Variants in NUDT6 observed in about 807,000 individuals in gnomAD.
NUDT6 encodes nudix hydrolase 6.
In NUDT6, 24 loss-of-function variants were observed where a neutral mutation model predicts 36.8. The observed-to-expected ratio is 0.65, with a 90% CI of 0.47 to 0.92. The LOEUF is 0.92. Ranked by LOEUF, NUDT6 falls within the 40% of genes least tolerant of loss-of-function variation. The probability of loss-of-function intolerance (pLI) is 0.00; values close to 1 mark genes in which losing one functional copy is unlikely to be tolerated. For missense variants in NUDT6, 388 were observed against 392.8 expected, an observed-to-expected ratio of 0.99 and a Z score of 0.10; for synonymous variants, 163 against 157.0, an observed-to-expected ratio of 1.04 and a Z score of -0.29.
intron 3 of NUDT6, among the ~76,000 whole-genome samples, chr4:122,899,755 A>G (rs1243728177): frequency 6.6e-6 from 1 of 152,126 alleles, no homozygotes; most frequent in East Asian, 1.9e-4. Context: ...CTTGGAGTTC[A>G]AGGCTGCAGT....
chr4:122,922,391 G>C lies in NUDT6; in HGVS notation c.182C>G (p.Ala61Gly), dbSNP rs1728070256. The C allele has an allele frequency of 2.5e-6, 4 of 1,608,716 alleles. No homozygotes were observed. The highest frequency in any genetic ancestry group is 3.3e-5 in the Admixed American group (2 of 59,916). ...DRFGGISVRL[A>G]RLDALDRLDA... is the part of the protein sequence containing the mutation. ...CAGGCGGTCCAGCGCATCGAGCCGCGCCAGGCGCACCGAGATGCCCCCGAA... is the reference window on the plus strand; with the variant it reads ...CAGGCGGTCCAGCGCATCGAGCCGCCCCAGGCGCACCGAGATGCCCCCGAA... Residue 61 changes from alanine (A) to glycine (G), a missense_variant, in exon 1 of 5, where the codon GCG (alanine) becomes GGG (glycine). By Grantham distance (60) the Ala-to-Gly change is moderately conservative (BLOSUM62 0). Coordinates refer to ENST00000304430, the MANE Select transcript of NUDT6 (RefSeq NM_007083.5).
At chr4:122,897,575 T>TA (rs1386556735) in intron 4 of NUDT6, 49 bp downstream of exon 4, 1 of 1,284,354 alleles carries the variant, frequency 7.8e-7, no homozygotes, top group African/African-American at 1.5e-5. Context: ...GTAAACACAT[T>TA]AATTTCCTCA....
At chr4:122,894,586 C>T in intron 4 of NUDT6, 1 of 151,430 alleles carries the variant, frequency 6.6e-6, no homozygotes, top group South Asian at 2.1e-4. Context: ...GACTTTGTCT[C>T]AAAAAAAGAG....
chr4:122,915,479 A>AC (rs1444430159), intron 2 of NUDT6, among the ~76,000 whole-genome samples: 38 of 80,654 alleles, frequency 4.7e-4, no homozygotes, highest in East Asian at 1.6e-3. Context: ...CAAAAAAAAA[A>AC]AAAAAAAAAA....
Position 122,922,565 on chromosome 4 carries a change from T to G in NUDT6, c.8A>C (p.Gln3Pro), listed in dbSNP as rs759741944. The change falls in exon 1 of 5, where the codon CAG (glutamine) becomes CCG (proline). Residue 3 changes from glutamine (Q) to proline (P), a missense_variant. Physicochemically the swap from Gln to Pro is moderately conservative, Grantham distance 76. Transcript: ENST00000304430. ...GCGCCAGCGGCCCCAGCTCAGTGGC[T>G]GCCGCATCTCCACGCCGCTTAATTC... Reference protein sequence around the residue: MRQPLSWGRWRAM... With the variant: MRPPLSWGRWRAM... 3 of 1,594,324 alleles carry G rather than the reference T, an allele frequency of 1.9e-6. No individual in the cohort carries two copies. The highest frequency in any genetic ancestry group is 1.7e-5 in the Admixed American group (1 of 59,280).
At chr4:122,897,890 C>T in intron 3 of NUDT6, 1 of 547,596 alleles carries the variant, frequency 1.8e-6, no homozygotes, top group Non-Finnish European at 3.3e-6. Context: ...CCCACCTTTT[C>T]TCTTCAGGAA....
At chr4:122,903,577 C>T (rs879625555) in intron 3 of NUDT6, among the ~76,000 whole-genome samples, 4 of 152,124 alleles carry the variant, frequency 2.6e-5, no homozygotes, top group Admixed American at 6.5e-5. Flanking sequence ...CTCTCAGCTC[C>T]GAATCTGCCC....
intron 3 of NUDT6, among the ~76,000 whole-genome samples, chr4:122,906,008 G>A (rs1042977509): frequency 1.3e-5 from 2 of 152,298 alleles, no homozygotes; most frequent in African/African-American, 4.8e-5. Flanking sequence ...TGCTTCTACT[G>A]GCTCAGAGGG....
chr4:122,922,237 C>G (rs911502956), intron 1 of NUDT6, 98 bp downstream of exon 1: 4 of 1,023,020 alleles, frequency 3.9e-6, no homozygotes, highest in Non-Finnish European at 4.2e-6. Flanking sequence ...CCTCTGGGCT[C>G]GACAGTGGTG....
At chr4:122,909,369 A>AAGT (rs961451966) in intron 3 of NUDT6, among the ~76,000 whole-genome samples, 9 of 152,336 alleles carry the variant, frequency 5.9e-5, no homozygotes, top group Non-Finnish European at 1.0e-4. Context: ...AGATAATAAT[A>AAGT]AGTATGATTA....
In NUDT6 at chr4:122,909,032, T is replaced by C. The variant is rs184660032; in HGVS notation, c.498+3536A>G. The stretch of plus-strand genomic sequence containing the variant: ...TTGAGAAGAACTGATAATTACTCTA[T>C]ATCTCCTTAAATTAATCATCTCCCC... On this transcript the variant is annotated intron_variant, in intron 3 of 4. Transcript: ENST00000304430. 7.5e-4 allele frequency among the ~76,000 whole-genome samples: 114 copies of C among 152,068 alleles called. 1 individual carries two copies. Among genetic ancestry groups the C allele is most frequent in the Admixed American group, 7.3e-3 (112 of 15,276 alleles).
intron 2 of NUDT6, among the ~76,000 whole-genome samples, chr4:122,912,861 C>G (rs1727758026): frequency 6.6e-6 from 1 of 152,174 alleles, no homozygotes; most frequent in Non-Finnish European, 1.5e-5. Context: ...CAAGTTTAAA[C>G]ATGAAATTCA....
rs562874009 is a variant in NUDT6, at chr4:122,909,055, C to A, written c.498+3513G>T. 2.7e-5 allele frequency among the ~76,000 whole-genome samples: 4 copies of A among 149,670 alleles called. No homozygotes were observed. The South Asian group carries it at 9.0e-4, about 34-fold the overall frequency. On this transcript the variant is annotated intron_variant, in intron 3 of 4. Coordinates refer to ENST00000304430, the MANE Select transcript of NUDT6 (RefSeq NM_007083.5). The stretch of plus-strand genomic sequence containing the variant: ...TATATCTCCTTAAATTAATCATCTC[C>A]CCGCCATCCCAGCTTTTTTTTTTTT...
At chr4:122,900,048 A>ACCCC (rs1242715908) in intron 3 of NUDT6, among the ~76,000 whole-genome samples, 7 of 77,214 alleles carry the variant, frequency 9.1e-5, no homozygotes, top group Admixed American at 2.7e-4. Context: ...ATGGTCATGC[A>ACCCC]CCCCCGCCAC....
chr4:122,921,619 C>CAAAAAAAA (rs758469782), intron 1 of NUDT6: 1 of 48,010 alleles, frequency 2.1e-5, no homozygotes, highest in African/African-American at 5.0e-5. Context: ...AAAAAAAAAA[C>CAAAAAAAA]AAACTGTACA....
Position 122,917,697 on chromosome 4 carries a change from T to G in NUDT6, c.246A>C (p.Val82=). The change falls in exon 2 of 5, where the codon GTA becomes GTC. Residue 82 remains valine (V), a synonymous_variant. Coordinates refer to ENST00000304430, the MANE Select transcript of NUDT6 (RefSeq NM_007083.5). The part of the protein sequence containing the change: ...AAFQKGLQAA[V]QQWRSEGRTA... Reference sequence around the variant, plus strand: ...TTCTACCTTCTGATCGCCATTGCTGTACTGCAGCTAAATGCAGAAGAAAAA... The same window carrying G: ...TTCTACCTTCTGATCGCCATTGCTGGACTGCAGCTAAATGCAGAAGAAAAA... The G allele has an allele frequency of 1.2e-6, 2 of 1,613,964 alleles. 1 individual carries two copies. The highest frequency in any genetic ancestry group is 2.2e-5 in the South Asian group (2 of 91,060).
chr4:122,908,716 T>C (rs1328373040), intron 3 of NUDT6, among the ~76,000 whole-genome samples: 1 of 152,202 alleles, frequency 6.6e-6, no homozygotes, highest in Non-Finnish European at 1.5e-5. Context: ...GAGTCTGACT[T>C]TTCCATTAAC....
intron 3 of NUDT6, among the ~76,000 whole-genome samples, chr4:122,902,644 G>A (rs958596876): frequency 7.9e-5 from 12 of 152,204 alleles, no homozygotes; most frequent in Admixed American, 1.3e-4. Flanking sequence ...ATACAGCAGA[G>A]TATGTATAAG....
intron 3 of NUDT6, among the ~76,000 whole-genome samples, chr4:122,904,925 G>A (rs1037419415): frequency 3.9e-5 from 6 of 152,136 alleles, no homozygotes; most frequent in African/African-American, 1.4e-4. Flanking sequence ...GAATGAAGCC[G>A]CGGACCTTCG....
Sources: allele counts gnomAD v4.1 joint callset (sites outside exome capture counted in the v4.1 genomes callset), GRCh38; gene constraint gnomAD v4.1.1; transcripts MANE v1.5; gene names NCBI Gene and HGNC (gene_info 2026-07-23, HGNC 2026-07-21).